TANC2: variants seen among roughly 807,000 people sequenced by gnomAD.
The protein encoded by TANC2 is tetratricopeptide repeat, ankyrin repeat and coiled-coil containing 2.
Under a neutral mutation model 210.5 loss-of-function variants are expected in TANC2, and 26 were observed. That is an observed-to-expected ratio of 0.12 (90% CI 0.09 to 0.17). The LOEUF is 0.17. Among genes scored for constraint, TANC2 ranks in the 10% least tolerant of loss-of-function variants. The pLI is 1.00. For missense variants in TANC2, 2,129 were observed against 2,608.9 expected (o/e 0.82, Z 4.01); for synonymous variants, 931 against 967.1 (o/e 0.96, Z 0.69).
chr17:63,073,945 G>A, exon 3 of TANC2: 3 of 1,582,000 alleles, frequency 1.9e-6, no homozygotes, highest in Non-Finnish European at 2.6e-6. Context: ...TTATGCAGAT[G>A]GAGGGAGCGA....
chr17:63,146,918 T>C (rs2039480187), intron 4 of TANC2, among the ~76,000 whole-genome samples: 1 of 152,148 alleles, frequency 6.6e-6, no homozygotes, highest in Non-Finnish European at 1.5e-5. Context: ...AGTATTGTTA[T>C]TTCTTCAAAA....
At chr17:63,165,550 C>T (rs762113812) in intron 5 of TANC2, among the ~76,000 whole-genome samples, 3 of 152,200 alleles carry the variant, frequency 2.0e-5, no homozygotes, top group Non-Finnish European at 4.4e-5. Flanking sequence ...TGTACTGCTA[C>T]ACTGCAGTGG....
intron 1 of TANC2, among the ~76,000 whole-genome samples, chr17:62,977,384 T>C (rs2032067110): frequency 6.6e-6 from 1 of 152,244 alleles, no homozygotes. Context: ...TAAAGAATAG[T>C]TCATCCTGAA....
chr17:63,310,354 G>C (rs2045079444), intron 9 of TANC2, among the ~76,000 whole-genome samples: 1 of 152,168 alleles, frequency 6.6e-6, no homozygotes, highest in Non-Finnish European at 1.5e-5. Context: ...GGCTGAGGCA[G>C]GAGAATCACT....
At chr17:63,394,525 C>T (rs891275610) in intron 17 of TANC2, among the ~76,000 whole-genome samples, 24 of 152,246 alleles carry the variant, frequency 1.6e-4, no homozygotes, top group Non-Finnish European at 2.1e-4. Context: ...AATGACTTCA[C>T]TGCCTATTGG....
At chr17:63,075,680 G>A (rs1189917921) in intron 3 of TANC2, among the ~76,000 whole-genome samples, 2 of 151,830 alleles carry the variant, frequency 1.3e-5, no homozygotes, top group Non-Finnish European at 2.9e-5. Flanking sequence ...TTACAGGCCC[G>A]GCTTTTTTTG....
At chr17:63,177,090 C>A (rs1210113759) in intron 5 of TANC2, among the ~76,000 whole-genome samples, 1 of 150,994 alleles carries the variant, frequency 6.6e-6, no homozygotes, top group Non-Finnish European at 1.5e-5. Flanking sequence ...ATGGTGAAAC[C>A]CCATCTCTAC....
chr17:63,411,537 G>C, exon 22 of TANC2: 1 of 1,613,038 alleles, frequency 6.2e-7, no homozygotes, highest in Non-Finnish European at 8.5e-7. Context: ...TATGGACAAA[G>C]AAGGATTGAC....
chr17:63,097,075 C>G (rs996101234), intron 3 of TANC2, among the ~76,000 whole-genome samples: 4 of 150,948 alleles, frequency 2.6e-5, no homozygotes, highest in African/African-American at 9.8e-5. Context: ...TGGTCTCACT[C>G]TGTCACCCAG....
At chr17:63,404,990 G>A (rs756545499) in intron 19 of TANC2, 132 bp from the exon 20 acceptor site, 1 of 1,100,990 alleles carries the variant, frequency 9.1e-7, no homozygotes, top group Non-Finnish European at 1.2e-6. Context: ...TATGGAAAAG[G>A]TGGCAAAAAT....
intron 1 of TANC2, among the ~76,000 whole-genome samples, chr17:63,005,926 G>C (rs970577204): frequency 1.3e-5 from 2 of 151,110 alleles, no homozygotes; most frequent in African/African-American, 2.4e-5. Context: ...GTGTGTGTGT[G>C]TGTGTGTGTG....
intron 8 of TANC2, among the ~76,000 whole-genome samples, chr17:63,261,647 A>G (rs1433916688): frequency 6.6e-6 from 1 of 152,198 alleles, no homozygotes; most frequent in Non-Finnish European, 1.5e-5. Flanking sequence ...TTGGCTGAAC[A>G]AGTAAGACTA....
At chr17:63,152,024 C>T (rs558567598) in intron 5 of TANC2, 16 of 152,300 alleles carry the variant, frequency 1.1e-4, no homozygotes, top group Admixed American at 4.6e-4. Flanking sequence ...TGCTTAGATT[C>T]TTTCAAACTT....
At chr17:63,411,608 C>T (rs981441433) in exon 22 of TANC2, 6 of 1,613,958 alleles carry the variant, frequency 3.7e-6, no homozygotes, top group Middle Eastern at 1.6e-4. Flanking sequence ...TGGTGGATAA[C>T]GGAGCTGCCA....
At chr17:63,424,865 G>A (rs774154622) in exon 28 of TANC2, 8 of 152,108 alleles carry the variant, frequency 5.3e-5, no homozygotes, top group Non-Finnish European at 1.0e-4. Context: ...TATAGCACAA[G>A]AAATAACTTG....
At chr17:63,319,940 T>C (rs1450248193) in intron 11 of TANC2, among the ~76,000 whole-genome samples, 1 of 152,224 alleles carries the variant, frequency 6.6e-6, no homozygotes, top group Non-Finnish European at 1.5e-5. Flanking sequence ...TAAATACTAT[T>C]CGTATACTGC....
chr17:63,049,777 A>C lies in TANC2; in HGVS notation c.68-24166A>C, dbSNP rs186419369. The stretch of plus-strand genomic sequence containing the variant: ...ATTGAAGCTGGGCTGGGATGGAAGC[A>C]GAGAAACCAGGTTAGTCATGAGGGT... On this transcript the variant is annotated intron_variant, in intron 2 of 27. Transcript: ENST00000689528. 1.7e-3 allele frequency among the ~76,000 whole-genome samples: 259 copies of C among 152,308 alleles called. No individual in the cohort carries two copies. The highest frequency in any genetic ancestry group is 5.5e-3 in the African/African-American group (230 of 41,572).
At chr17:63,331,836 GTGTGTGTGTGTGTGTGTGTC>G (rs975927929) in intron 11 of TANC2, 6 of 132,720 alleles carry the variant, frequency 4.5e-5, no homozygotes, top group South Asian at 2.2e-4. Flanking sequence ...TAAGATAAGA[GTGTGTGTGTGTGTGTGTGTC>G]TGTGTGTGTG....
At chr17:63,201,309 A>G (rs2041525978) in intron 7 of TANC2, among the ~76,000 whole-genome samples, 2 of 152,316 alleles carry the variant, frequency 1.3e-5, no homozygotes, top group South Asian at 2.1e-4. Context: ...GTTTTATGAA[A>G]GAAAGGTGAG....
Sources: allele counts gnomAD v4.1 joint callset (sites outside exome capture counted in the v4.1 genomes callset), GRCh38; gene constraint gnomAD v4.1.1; transcripts MANE v1.5; gene names NCBI Gene and HGNC (gene_info 2026-07-23, HGNC 2026-07-21).